Variants in FHIT observed in about 807,000 individuals in gnomAD.
The protein encoded by FHIT is fragile histidine triad diadenosine triphosphatase, also known as bis(5'-adenosyl)-triphosphatase.
Under a neutral mutation model 17.9 loss-of-function variants are expected in FHIT, and 19 were observed. That is an observed-to-expected ratio of 1.06 (90% CI 0.74 to 1.56). The LOEUF (loss-of-function observed/expected upper bound fraction) is 1.56, where lower values mean the gene tolerates loss of function less well. Ranked by LOEUF, FHIT falls within the 40% of genes most tolerant of loss-of-function variation. The pLI is 0.00. For synonymous variants in FHIT, 81 were observed against 69.7 expected (o/e 1.16, Z -0.81); for missense variants, 248 against 189.2 (o/e 1.31, Z -1.82).
chr3:61,167,644 AAAGAAAG>A (rs2037879312), intron 2 of FHIT, among the ~76,000 whole-genome samples: 2 of 150,904 alleles, frequency 1.3e-5, no homozygotes, highest in African/African-American at 4.9e-5. Context: ...AAAAAAAAAA[AAAGAAAG>A]AAAAGAAAAG....
At chr3:60,087,945 G>T (rs1432185934) in intron 5 of FHIT, among the ~76,000 whole-genome samples, 1 of 152,036 alleles carries the variant, frequency 6.6e-6, no homozygotes, top group African/African-American at 2.4e-5. Context: ...GTGTCACTGA[G>T]GCTGTGTAAT....
intron 5 of FHIT, among the ~76,000 whole-genome samples, chr3:60,318,789 C>T (rs1426285478): frequency 1.3e-5 from 2 of 152,316 alleles, no homozygotes; most frequent in Non-Finnish European, 2.9e-5. Context: ...AATATATTAT[C>T]TTACAGTTCT....
chr3:60,921,026 G>C (rs62251574), intron 3 of FHIT, among the ~76,000 whole-genome samples: 2 of 152,124 alleles, frequency 1.3e-5, no homozygotes, highest in African/African-American at 2.4e-5. Flanking sequence ...CACTCATTCC[G>C]TAAGATATTT....
At chr3:59,892,830 T>C (rs749067160) in intron 8 of FHIT, among the ~76,000 whole-genome samples, 2 of 152,170 alleles carry the variant, frequency 1.3e-5, no homozygotes, top group African/African-American at 4.8e-5. Context: ...TATAAAAATA[T>C]TGCCCAACAG....
At chr3:60,948,110 A>G (rs2107446814) in intron 3 of FHIT, among the ~76,000 whole-genome samples, 1 of 152,278 alleles carries the variant, frequency 6.6e-6, no homozygotes, top group African/African-American at 2.4e-5. Flanking sequence ...TGCATCCTTG[A>G]GGCAAAATCT....
intron 7 of FHIT, among the ~76,000 whole-genome samples, chr3:59,984,458 G>C (rs1041952748): frequency 6.6e-6 from 1 of 151,964 alleles, no homozygotes; most frequent in Non-Finnish European, 1.5e-5. Context: ...TTACGACATA[G>C]GAAGCTGGGG....
intron 3 of FHIT, among the ~76,000 whole-genome samples, chr3:60,860,204 T>TAC (rs1553751123): frequency 6.7e-4 from 81 of 121,202 alleles, no homozygotes; most frequent in African/African-American, 1.3e-3. Flanking sequence ...ATCATATGTA[T>TAC]ATATGGTATA....
intron 5 of FHIT, among the ~76,000 whole-genome samples, chr3:60,074,495 TATTCATTCATTC>T (rs3884255): frequency 6.6e-6 from 1 of 151,770 alleles, no homozygotes; most frequent in South Asian, 2.1e-4. Context: ...AAAATTTGCT[TATTCATTCATTC>T]ATTCATTCAT....
At chr3:60,790,257 A>G (rs1353732715) in intron 4 of FHIT, among the ~76,000 whole-genome samples, 1 of 152,218 alleles carries the variant, frequency 6.6e-6, no homozygotes, top group Non-Finnish European at 1.5e-5. Flanking sequence ...AAAGTAAGGA[A>G]AGCGGAATTT....
chr3:60,749,631 C>G (rs1416198607), intron 4 of FHIT, among the ~76,000 whole-genome samples: 2 of 152,078 alleles, frequency 1.3e-5, no homozygotes, highest in Non-Finnish European at 2.9e-5. Context: ...GGAGAAAGTA[C>G]TAGTTTGAAG....
chr3:61,166,372 T>C (rs539454918), intron 2 of FHIT, among the ~76,000 whole-genome samples: 1 of 152,320 alleles, frequency 6.6e-6, no homozygotes, highest in South Asian at 2.1e-4. Flanking sequence ...TCCTCGTCTA[T>C]ACTTCTGTTT....
intron 3 of FHIT, among the ~76,000 whole-genome samples, chr3:60,897,533 C>T (rs377341818): frequency 2.0e-5 from 3 of 152,122 alleles, no homozygotes; most frequent in African/African-American, 7.2e-5. Context: ...TTGTGAAAAA[C>T]CTTTCCTTGT....
chr3:60,434,631 GT>G (rs1167162028), intron 5 of FHIT, among the ~76,000 whole-genome samples: 1 of 152,036 alleles, frequency 6.6e-6, no homozygotes, highest in Non-Finnish European at 1.5e-5. Context: ...AATTCAAACT[GT>G]CTTTTCAAAC....
chr3:61,079,681 C>T (rs1038980407), intron 2 of FHIT, among the ~76,000 whole-genome samples: 2 of 152,174 alleles, frequency 1.3e-5, no homozygotes, highest in African/African-American at 4.8e-5. Context: ...TGTGCACACA[C>T]ACACATACAC....
At chr3:61,192,317 G>T (rs1368446044) in intron 2 of FHIT, among the ~76,000 whole-genome samples, 1 of 152,134 alleles carries the variant, frequency 6.6e-6, no homozygotes, top group Non-Finnish European at 1.5e-5. Flanking sequence ...ATGTAACTTG[G>T]TAGAGCAATT....
chr3:61,169,340 T>C (rs1217985812), intron 2 of FHIT, among the ~76,000 whole-genome samples: 1 of 152,226 alleles, frequency 6.6e-6, no homozygotes, highest in Non-Finnish European at 1.5e-5. Flanking sequence ...TTGTGCCATT[T>C]TGACTTTTCC....
intron 1 of FHIT, among the ~76,000 whole-genome samples, chr3:61,206,099 C>G (rs1449694346): frequency 2.3e-4 from 30 of 129,564 alleles, no homozygotes; most frequent in Non-Finnish European, 3.1e-4. Context: ...GCTTGTTTTT[C>G]TCAGGTTTGT....
chr3:60,977,189 G>A (rs531814052), intron 3 of FHIT, among the ~76,000 whole-genome samples: 13 of 152,108 alleles, frequency 8.5e-5, no homozygotes, highest in Admixed American at 2.6e-4. Flanking sequence ...ATGAGGGAGC[G>A]AAAATTGTGT....
chr3:60,087,611 C>T (rs911120761), intron 5 of FHIT, among the ~76,000 whole-genome samples: 4 of 152,170 alleles, frequency 2.6e-5, no homozygotes. Context: ...AGATACCCCA[C>T]CCTCATCACT....
Sources: allele counts gnomAD v4.1 joint callset (sites outside exome capture counted in the v4.1 genomes callset), GRCh38; gene constraint gnomAD v4.1.1; transcripts MANE v1.5; gene names NCBI Gene and HGNC (gene_info 2026-07-23, HGNC 2026-07-21).